Variants in AKNA observed in about 807,000 individuals in gnomAD.
The protein encoded by AKNA is microtubule organization protein AKNA.
In AKNA, 67 loss-of-function variants were observed where a neutral mutation model predicts 138.8. That is an observed-to-expected ratio of 0.48 (90% CI 0.40 to 0.59). The LOEUF (loss-of-function observed/expected upper bound fraction) is 0.59, where lower values mean the gene tolerates loss of function less well. Among genes scored for constraint, AKNA ranks in the 20% least tolerant of loss-of-function variants. The pLI, the probability that AKNA is intolerant of heterozygous loss-of-function variation, is 0.00. For missense variants in AKNA, 1,813 were observed against 1,880.4 expected (o/e 0.96, Z 0.66); for synonymous variants, 737 against 754.4 (o/e 0.98, Z 0.38).
downstream of AKNA, chr9:114,330,746 C>T (rs760401628): frequency 2.4e-5 from 38 of 1,606,084 alleles, no homozygotes; most frequent in Admixed American, 3.3e-5. Context: ...GGCCACTTCT[C>T]CTCGATAACA....
At chr9:114,332,654 A>T (rs964547875), downstream of AKNA, among the ~76,000 whole-genome samples, 12 of 152,030 alleles carry the variant, frequency 7.9e-5, no homozygotes, top group Non-Finnish European at 1.8e-4. Context: ...TTATGAACGC[A>T]ACCACTGTAG....
At chr9:114,354,988 C>T (rs1357566061) in intron 14 of AKNA, among the ~76,000 whole-genome samples, 2 of 150,342 alleles carry the variant, frequency 1.3e-5, no homozygotes, top group Non-Finnish European at 3.0e-5. Context: ...AATTCTCATG[C>T]CTCAGCCTCC....
At chr9:114,347,414 T>G (rs1830760462) in intron 16 of AKNA, among the ~76,000 whole-genome samples, 1 of 152,126 alleles carries the variant, frequency 6.6e-6, no homozygotes, top group Non-Finnish European at 1.5e-5. Flanking sequence ...GAGACAGGGT[T>G]TCACCATGTT....
intron 1 of AKNA, among the ~76,000 whole-genome samples, chr9:114,385,899 A>G (rs1260552503): frequency 2.0e-5 from 3 of 152,260 alleles, no homozygotes; most frequent in East Asian, 3.8e-4. Context: ...GACAGGTGCT[A>G]GTCCTGGCTG....
In AKNA at chr9:114,387,935, G is replaced by C. The variant is rs1217042618; in HGVS notation, c.-189C>G. On this transcript the variant is annotated 5_prime_UTR_variant, in exon 1 of 22. Transcript: ENST00000374088. ...CTGTGAATTCTTTGTTCCAAACCCA[G>C]GGAGCCCCCTGTCTCCATTGCGCCC... is the stretch of plus-strand genomic sequence containing the variant. 9 of 451,736 alleles carry C rather than the reference G, an allele frequency of 2.0e-5. No homozygotes were observed. The highest frequency in any genetic ancestry group is 3.6e-5 in the Non-Finnish European group (8 of 224,074). The allele number at this position is 451,736 out of a possible 1,614,324, so 28.0% of individuals were successfully genotyped here.
chr9:114,374,229 G>A (rs1472225407), intron 3 of AKNA, 62 bp from the exon 4 acceptor site: 24 of 1,491,812 alleles, frequency 1.6e-5, no homozygotes, highest in South Asian at 1.2e-4. Flanking sequence ...CTCCTTGCTG[G>A]GAGACCCTGA....
rs1833246769 is a variant in AKNA, at chr9:114,376,780, A to G, written c.1027T>C (p.Ser343Pro). The G allele has an allele frequency of 1.9e-6, 3 of 1,612,350 alleles. No homozygotes were observed. Among genetic ancestry groups the G allele is most frequent in the Non-Finnish European group, 8.5e-7 (1 of 1,178,992 alleles). Residue 343 changes from serine (S) to proline (P), a missense_variant, in exon 3 of 22, where the codon TCT becomes CCT. Transcript: ENST00000374088. ...RQGATLAGRS[S>P]SNAPKYGRGQ... ...CGGCCATACTTGGGGGCATTAGAAG[A>G]GGAGCGGCCAGCCAGAGTGGCTCCC...
chr9:114,397,412 C>T (rs893003143), upstream of AKNA, among the ~76,000 whole-genome samples: 2 of 152,242 alleles, frequency 1.3e-5, no homozygotes, highest in Non-Finnish European at 2.9e-5. Context: ...CAGCCCATTT[C>T]TTCTCCTTCT....
intron 5 of AKNA, 71 bp downstream of exon 5, chr9:114,368,368 C>G: frequency 7.7e-7 from 1 of 1,301,428 alleles, no homozygotes; most frequent in East Asian, 2.8e-5. Context: ...CCAGGGTGAA[C>G]CAAGTCAGTC....
chr9:114,395,143 G>A (rs77216245), upstream of AKNA, among the ~76,000 whole-genome samples: 1 of 152,318 alleles, frequency 6.6e-6, no homozygotes, highest in East Asian at 1.9e-4. Flanking sequence ...GACTTTGGGG[G>A]CAGGAAGCCT....
At chr9:114,373,285 C>T (rs933942805) in intron 4 of AKNA, among the ~76,000 whole-genome samples, 7 of 150,608 alleles carry the variant, frequency 4.6e-5, no homozygotes, top group South Asian at 2.2e-4. Flanking sequence ...CCTCCGAAGA[C>T]GGGGTGGGGG....
intron 1 of AKNA, among the ~76,000 whole-genome samples, chr9:114,393,010 C>T (rs1834404805): frequency 6.6e-6 from 1 of 152,150 alleles, no homozygotes; most frequent in African/African-American, 2.4e-5. Context: ...AAACCGTGCA[C>T]GTGCCAGGAA....
upstream of AKNA, among the ~76,000 whole-genome samples, chr9:114,395,736 T>TA (rs11297740): frequency 7.3e-4 from 79 of 108,252 alleles, no homozygotes; most frequent in Middle Eastern, 5.7e-3. Context: ...CAGCTGTCTT[T>TA]AAAAAAAAAA....
At position 114,377,282 on chromosome 9, in the gene AKNA, G is replaced by T; in HGVS notation, c.525C>A (p.Gly175=). The part of the protein sequence containing the change: ...HGQARGWVAS[G]EQASGDKLSE... ...AAAGTTTGTCCCCACTGGCTTGTTC[G>T]CCAGAAGCCACCCAGCCCCTGGCCT... The change falls in exon 3 of 22, where the codon GGC becomes GGA. Residue 175 remains glycine (G), a synonymous_variant. Coordinates refer to ENST00000374088, the MANE Select transcript of AKNA (RefSeq NM_001317950.2). 1 of 1,614,160 alleles carries T rather than the reference G, an allele frequency of 6.2e-7. No individual in the cohort carries two copies. Among genetic ancestry groups the T allele is most frequent in the Non-Finnish European group, 8.5e-7 (1 of 1,180,022 alleles).
At position 114,356,863 on chromosome 9, in the gene AKNA, C is replaced by A. The variant is rs1372962797; in HGVS notation, c.2846G>T (p.Ser949Ile). The change falls in exon 13 of 22, where the codon AGC (serine) becomes ATC (isoleucine). Residue 949 changes from serine to isoleucine, a missense_variant and splice_region_variant. Physicochemically the swap from Ser to Ile is moderately radical, Grantham distance 142. Coordinates refer to ENST00000374088, the MANE Select transcript of AKNA (RefSeq NM_001317950.2). ...GGACAATGGCGGGATCCCGGGATAC[C>A]TGATGTGGGAGAGCCGGTGCTCTGG... is the stretch of plus-strand genomic sequence containing the variant. ...QTPEHRLSHI[S>I]TAGTLAQPFA... The A allele has an allele frequency of 6.5e-7, 1 of 1,540,072 alleles. No individual in the cohort carries two copies.
intron 4 of AKNA, among the ~76,000 whole-genome samples, chr9:114,372,058 C>T (rs763373227): frequency 3.3e-5 from 5 of 152,172 alleles, no homozygotes. Context: ...GCAAGCCTGC[C>T]ATGTACTGTT....
At chr9:114,388,874 G>A (rs979635388), upstream of AKNA, among the ~76,000 whole-genome samples, 1 of 152,164 alleles carries the variant, frequency 6.6e-6, no homozygotes, top group African/African-American at 2.4e-5. Context: ...AATGAGACTG[G>A]GTGACGATCC....
intron 12 of AKNA, 65 bp downstream of exon 12, chr9:114,357,856 G>C: frequency 6.4e-7 from 1 of 1,572,012 alleles, no homozygotes; most frequent in Admixed American, 2.2e-5. Flanking sequence ...CCCAGAAGCA[G>C]AAAGTTGAGA....
At chr9:114,360,196 T>C in intron 9 of AKNA, 134 bp from the exon 10 acceptor site, 1 of 1,037,124 alleles carries the variant, frequency 9.6e-7, no homozygotes. Flanking sequence ...CCCACCACCC[T>C]TTTATGTATG....
Sources: allele counts gnomAD v4.1 joint callset (sites outside exome capture counted in the v4.1 genomes callset), GRCh38; gene constraint gnomAD v4.1.1; transcripts MANE v1.5; gene names NCBI Gene and HGNC (gene_info 2026-07-23, HGNC 2026-07-21).